The following PCLO variants were observed in gnomAD, a reference collection of about 807,000 sequenced individuals.
PCLO encodes piccolo presynaptic cytomatrix protein.
Under a neutral mutation model 427.5 loss-of-function variants are expected in PCLO, and 82 were observed. The observed-to-expected ratio is 0.19, with a 90% CI of 0.16 to 0.23. The LOEUF (loss-of-function observed/expected upper bound fraction) is 0.23, where lower values mean the gene tolerates loss of function less well. Ranked by LOEUF, PCLO falls within the 10% of genes least tolerant of loss-of-function variation. The pLI is 1.00. For synonymous variants in PCLO, 2,357 were observed against 2,155.4 expected (o/e 1.09, Z -2.59); for missense variants, 6,239 against 6,115.9 (o/e 1.02, Z -0.67).
At position 82,859,212 on chromosome 7, in the gene PCLO, C is replaced by T. The variant is rs1334724978; in HGVS notation, c.13655-11965G>A. On this transcript the variant is annotated intron_variant, in intron 10 of 24. Coordinates refer to ENST00000333891, the MANE Select transcript of PCLO (RefSeq NM_033026.6). ...TGAAGGGAAAGACAGGCCTGGCTGGCTTTGCCACCTGCTAATTGTAGAGTT... is the reference window on the plus strand; with the variant it reads ...TGAAGGGAAAGACAGGCCTGGCTGGTTTTGCCACCTGCTAATTGTAGAGTT... Among the ~76,000 whole-genome samples, 14 of 152,274 alleles carry T rather than the reference C, an allele frequency of 9.2e-5. No homozygotes were observed. In the East Asian group the frequency reaches 2.1e-3, roughly 23 times the overall value.
intron 18 of PCLO, among the ~76,000 whole-genome samples, chr7:82,825,334 T>A (rs911950833): frequency 4.6e-5 from 7 of 151,996 alleles, no homozygotes; most frequent in African/African-American, 1.7e-4. Context: ...TTTTTTGAAA[T>A]GAAACATAAA....
At chr7:82,965,312 C>CT (rs1795740770) in intron 4 of PCLO, among the ~76,000 whole-genome samples, 2 of 135,348 alleles carry the variant, frequency 1.5e-5, no homozygotes, top group African/African-American at 5.6e-5. Flanking sequence ...TTTTTTCTTT[C>CT]TTTCTTTTTT....
Position 82,757,720 on chromosome 7 carries a change from T to C in PCLO, c.*855A>G, listed in dbSNP as rs1013010517. On this transcript the variant is annotated 3_prime_UTR_variant, in exon 25 of 25. Transcript: ENST00000333891. ...AGTTTACTCTAGGTCCTTTGGTACATAGACTGAAGATGTCTTGGCTTAATG... is the reference window on the plus strand; with the variant it reads ...AGTTTACTCTAGGTCCTTTGGTACACAGACTGAAGATGTCTTGGCTTAATG... 9.2e-5 allele frequency: 14 copies of C among 151,986 alleles called. No individual in the cohort carries two copies. The highest frequency in any genetic ancestry group is 2.9e-4 in the African/African-American group (12 of 41,418). 9.4% of individuals were successfully genotyped at this position (151,986 alleles called of 1,614,324 possible).
intron 3 of PCLO, among the ~76,000 whole-genome samples, chr7:82,979,699 T>C (rs1796104841): frequency 6.6e-6 from 1 of 152,166 alleles, no homozygotes; most frequent in African/African-American, 2.4e-5. Context: ...ATATTTTAAA[T>C]AGATTTAACT....
At position 82,954,419 on chromosome 7, in the gene PCLO, G is replaced by A. The variant is rs375871098; in HGVS notation, c.6534C>T (p.Pro2178=). 4 of 1,613,810 alleles carry A rather than the reference G, an allele frequency of 2.5e-6. No individual in the cohort carries two copies. The highest frequency in any genetic ancestry group is 2.7e-5 in the African/African-American group (2 of 74,922). Residue 2178 remains proline, a synonymous_variant, in exon 5 of 25, where the codon CCC becomes CCT. Coordinates refer to ENST00000333891, the MANE Select transcript of PCLO (RefSeq NM_033026.6). ...EPSESATSVP[P]SDTPSLTSSV... ...ATGATGTGAGAGAAGGTGTGTCAGAGGGTGGGACAGATGTAGCACTTTCTG... is the reference window on the plus strand; with the variant it reads ...ATGATGTGAGAGAAGGTGTGTCAGAAGGTGGGACAGATGTAGCACTTTCTG...
At chr7:82,805,007 T>C (rs1356337982) in intron 21 of PCLO, among the ~76,000 whole-genome samples, 1 of 152,120 alleles carries the variant, frequency 6.6e-6, no homozygotes, top group Admixed American at 6.6e-5. Context: ...TACATATTTA[T>C]CTTAAATGCC....
chr7:82,958,215 G>T (rs555933717), intron 4 of PCLO, among the ~76,000 whole-genome samples: 1 of 152,154 alleles, frequency 6.6e-6, no homozygotes, highest in South Asian at 2.1e-4. Context: ...GTGTTGGCAT[G>T]AGCTCTTCTG....
chr7:82,857,533 T>C (rs914635142), intron 10 of PCLO, among the ~76,000 whole-genome samples: 9 of 152,162 alleles, frequency 5.9e-5, no homozygotes, highest in Admixed American at 5.2e-4. Context: ...AAATGCTATC[T>C]GAACTAGTGG....
chr7:82,769,575 A>T (rs1009173987), intron 22 of PCLO, among the ~76,000 whole-genome samples: 2 of 152,154 alleles, frequency 1.3e-5, no homozygotes, highest in East Asian at 3.8e-4. Flanking sequence ...TTTAGGCAAA[A>T]GTCTCTTTAG....
intron 3 of PCLO, among the ~76,000 whole-genome samples, chr7:83,020,196 T>C (rs1384673303): frequency 6.6e-6 from 1 of 152,124 alleles, no homozygotes; most frequent in Non-Finnish European, 1.5e-5. Flanking sequence ...TAAGTGTTTA[T>C]ATTATTAATT....
At chr7:82,832,294 G>A (rs1400087874) in intron 16 of PCLO, among the ~76,000 whole-genome samples, 1 of 151,976 alleles carries the variant, frequency 6.6e-6, no homozygotes, top group African/African-American at 2.4e-5. Context: ...TTGCTCTGTT[G>A]CTCAGGCTGG....
intron 3 of PCLO, among the ~76,000 whole-genome samples, chr7:83,038,408 C>A (rs1583942871): frequency 6.6e-6 from 1 of 151,814 alleles, no homozygotes; most frequent in East Asian, 2.0e-4. Context: ...CATCCCTAAG[C>A]AACCACTAAT....
At chr7:82,996,120 T>C (rs1181640995) in intron 3 of PCLO, among the ~76,000 whole-genome samples, 1 of 151,754 alleles carries the variant, frequency 6.6e-6, no homozygotes, top group African/African-American at 2.4e-5. Context: ...TTTTAAGAAA[T>C]GAATGTCAAA....
chr7:82,793,691 A>T (rs1791155888), intron 22 of PCLO, among the ~76,000 whole-genome samples: 2 of 152,116 alleles, frequency 1.3e-5, no homozygotes, highest in Admixed American at 6.5e-5. Context: ...CACATTTGAT[A>T]TTTGATTTCC....
At chr7:82,826,531 T>C (rs1791947975) in intron 18 of PCLO, 58 bp downstream of exon 18, 2 of 1,108,650 alleles carry the variant, frequency 1.8e-6, no homozygotes. Flanking sequence ...CTTTGCATCG[T>C]GCTTTAATTG....
chr7:82,952,971 G>C lies in PCLO; in HGVS notation c.7982C>G (p.Ala2661Gly), dbSNP rs1795397718. Residue 2661 changes from alanine to glycine, a missense_variant, in exon 5 of 25, where the codon GCA becomes GGA. Ala to Gly is a moderately conservative substitution (Grantham distance 60). Coordinates refer to ENST00000333891, the MANE Select transcript of PCLO (RefSeq NM_033026.6). ...TPVTAPSSFQ[A>G]APTSVTQFLT... ...AAACTGTGTAACTGATGTGGGAGCT[G>C]CTTGAAATGAAGAGGGTGCTGTGAC... 1.2e-6 allele frequency: 2 copies of C among 1,613,868 alleles called. No homozygotes were observed. The highest frequency in any genetic ancestry group is 1.7e-6 in the Non-Finnish European group (2 of 1,179,834).
intron 3 of PCLO, among the ~76,000 whole-genome samples, chr7:83,045,428 C>G (rs1010817290): frequency 1.2e-4 from 19 of 152,118 alleles, no homozygotes; most frequent in African/African-American, 2.4e-4. Flanking sequence ...AGCTAAAATG[C>G]CTTCTGCTCC....
At chr7:82,830,285 T>G (rs1792061858) in intron 16 of PCLO, among the ~76,000 whole-genome samples, 1 of 151,914 alleles carries the variant, frequency 6.6e-6, no homozygotes, top group Admixed American at 6.6e-5. Flanking sequence ...AATGAAAAAT[T>G]CAAAAATTTT....
intron 22 of PCLO, among the ~76,000 whole-genome samples, chr7:82,763,640 C>A (rs1259662344): frequency 6.6e-6 from 1 of 152,036 alleles, no homozygotes; most frequent in African/African-American, 2.4e-5. Context: ...CAGATATACC[C>A]TTACATGTGG....
Sources: gnomAD v4.1 joint callset for allele counts (sites outside exome capture counted in the v4.1 genomes callset) on GRCh38, gnomAD v4.1.1 for gene constraint, MANE v1.5 for transcripts, NCBI Gene and HGNC (gene_info 2026-07-23, HGNC 2026-07-21) for gene names.